The following SLC39A8 variants were observed in gnomAD, a reference collection of about 807,000 sequenced individuals.
SLC39A8 encodes the protein metal cation symporter ZIP8.
SLC39A8 carries 15 observed loss-of-function variants against 40.4 expected under a neutral mutation model. The observed-to-expected ratio is 0.37, with a 90% confidence interval of 0.25 to 0.57. The LOEUF (loss-of-function observed/expected upper bound fraction) is 0.57, where lower values mean the gene tolerates loss of function less well. Ranked by LOEUF, SLC39A8 falls within the 20% of genes least tolerant of loss-of-function variation. SLC39A8 has a pLI of 0.75. For missense variants in SLC39A8, 472 were observed against 558.8 expected (o/e 0.84, Z 1.57); for synonymous variants, 223 against 221.6 (o/e 1.01, Z -0.06).
chr4:102,305,148 G>T (rs374612302), intron 4 of SLC39A8, 37 bp from the exon 5 acceptor site: 12 of 1,589,044 alleles, frequency 7.6e-6, no homozygotes, highest in African/African-American at 1.4e-5. Flanking sequence ...GTAAAACCAA[G>T]AAATTTAACT....
intron 6 of SLC39A8, among the ~76,000 whole-genome samples, chr4:102,280,860 G>T (rs1436282851): frequency 6.6e-6 from 1 of 152,138 alleles, no homozygotes; most frequent in Non-Finnish European, 1.5e-5. Flanking sequence ...AGTTGTTTTG[G>T]TCTTTAGTAG....
At chr4:102,345,024 G>T (rs1238347970) in intron 1 of SLC39A8, 109 bp from the exon 2 acceptor site, 2 of 575,738 alleles carry the variant, frequency 3.5e-6, no homozygotes, top group East Asian at 7.3e-5. Flanking sequence ...GGCCGGGCAT[G>T]GGGCCAGACG....
downstream of SLC39A8, among the ~76,000 whole-genome samples, chr4:102,256,768 T>C (rs1207668550): frequency 2.0e-5 from 3 of 152,218 alleles, no homozygotes; most frequent in Non-Finnish European, 2.9e-5. Flanking sequence ...AGACGTTTAC[T>C]GCTGATAATC....
intron 6 of SLC39A8, among the ~76,000 whole-genome samples, chr4:102,283,031 G>A (rs928031386): frequency 6.6e-5 from 10 of 152,130 alleles, no homozygotes; most frequent in Non-Finnish European, 7.4e-5. Context: ...CAGCCCTCAA[G>A]GCAGAAGACT....
chr4:102,322,720 G>A (rs189586094), intron 2 of SLC39A8, among the ~76,000 whole-genome samples: 13 of 152,090 alleles, frequency 8.5e-5, no homozygotes, highest in Non-Finnish European at 1.9e-4. Flanking sequence ...ATTTTGTTTT[G>A]CAATAGATTG....
Position 102,262,814 on chromosome 4 carries a change from A to C in SLC39A8, c.*230T>G, listed in dbSNP as rs1731923265. ...GAATACTGAAAAATAGGTATTTCCC[A>C]AAGGCTCCTATATACCAGGCATCTC... On this transcript the variant is annotated 3_prime_UTR_variant, in exon 9 of 9. Coordinates refer to ENST00000356736, the MANE Select transcript of SLC39A8 (RefSeq NM_001135146.2). 15 of 1,274,086 alleles carry C rather than the reference A, an allele frequency of 1.2e-5. No homozygotes were observed. Among genetic ancestry groups the C allele is most frequent in the Non-Finnish European group, 1.4e-5 (14 of 1,009,722 alleles). The allele number at this position is 1,274,086 out of a possible 1,614,324, so 78.9% of individuals were successfully genotyped here.
chr4:102,344,707 C>T lies in SLC39A8; in HGVS notation c.-45G>A, dbSNP rs1460441325. 1.7e-5 allele frequency: 24 copies of T among 1,386,542 alleles called. No individual in the cohort carries two copies. Among genetic ancestry groups the T allele is most frequent in the Non-Finnish European group, 2.2e-5 (24 of 1,078,310 alleles). 85.9% of individuals were successfully genotyped at this position (1,386,542 alleles called of 1,614,324 possible). On this transcript the variant is annotated 5_prime_UTR_variant, in exon 2 of 9. Transcript: ENST00000356736. ...TGAGGGCCCGCGACGGGCTGCCGCG[C>T]AGAGGGACGCGCGCGGGCGCACTGG... is the stretch of plus-strand genomic sequence containing the variant.
At chr4:102,303,899 T>C (rs1022135391) in intron 6 of SLC39A8, among the ~76,000 whole-genome samples, 4 of 151,876 alleles carry the variant, frequency 2.6e-5, no homozygotes, top group Non-Finnish European at 5.9e-5. Flanking sequence ...AAATTATAAG[T>C]CAGACAATTA....
At chr4:102,300,730 A>T (rs1419897959) in intron 6 of SLC39A8, among the ~76,000 whole-genome samples, 1 of 151,946 alleles carries the variant, frequency 6.6e-6, no homozygotes, top group Non-Finnish European at 1.5e-5. Context: ...ACCCTGAGTT[A>T]TATTATCATG....
intron 4 of SLC39A8, among the ~76,000 whole-genome samples, chr4:102,306,025 T>C (rs1734156836): frequency 6.6e-6 from 1 of 152,144 alleles, no homozygotes; most frequent in East Asian, 1.9e-4. Context: ...GCAAAATGGC[T>C]ATATAAATAT....
intron 6 of SLC39A8, among the ~76,000 whole-genome samples, chr4:102,287,683 AT>A: frequency 6.6e-6 from 1 of 152,282 alleles, no homozygotes; most frequent in South Asian, 2.1e-4. Context: ...ATGCTCAAAA[AT>A]TTCTAGTCAA....
chr4:102,317,763 T>C (rs141225828), intron 2 of SLC39A8, among the ~76,000 whole-genome samples: 15 of 152,192 alleles, frequency 9.9e-5, no homozygotes, highest in African/African-American at 3.6e-4. Context: ...AACTGTAAAA[T>C]AGGAGGAAAA....
chr4:102,260,114 ATAGT>A (rs770630628), downstream of SLC39A8, among the ~76,000 whole-genome samples: 49 of 152,338 alleles, frequency 3.2e-4, no homozygotes, highest in Middle Eastern at 3.4e-3. Context: ...TATAATTAAA[ATAGT>A]TAAAGTGACA....
chr4:102,296,410 C>G (rs957924405), intron 6 of SLC39A8, among the ~76,000 whole-genome samples: 1 of 151,872 alleles, frequency 6.6e-6, no homozygotes, highest in African/African-American at 2.4e-5. Context: ...TGAAGTGATG[C>G]GACTTGATGA....
In SLC39A8 at chr4:102,315,769, C is replaced by T; in HGVS notation, c.281G>A (p.Ser94Asn). 1 of 1,612,946 alleles carries T rather than the reference C, an allele frequency of 6.2e-7. No homozygotes were observed. The change falls in exon 3 of 9, where the codon AGC (serine) becomes AAC (asparagine). Residue 94 changes from serine (S) to asparagine (N), a missense_variant. Physicochemically the swap from Ser to Asn is conservative, Grantham distance 46. Around this residue, in one of 4 missense-constraint regions of SLC39A8, gnomAD observed 175 missense variants for 160.5 expected, o/e 1.09. Transcript: ENST00000356736. The part of the protein sequence containing the change: ...HGFSNATQIT[S>N]SKFSVICPAV... ...TGGACAGATGACAGAGAATTTGGAG[C>T]TGGTTATTTGGGTAGCATTTGAAAA... is the stretch of plus-strand genomic sequence containing the variant.
intron 6 of SLC39A8, among the ~76,000 whole-genome samples, chr4:102,283,783 C>T (rs750161558): frequency 2.0e-5 from 3 of 152,176 alleles, no homozygotes; most frequent in Non-Finnish European, 2.9e-5. Flanking sequence ...GGAATGCTTA[C>T]TTTGAAGAAG....
intron 6 of SLC39A8, among the ~76,000 whole-genome samples, chr4:102,279,454 C>T (rs984310282): frequency 6.6e-6 from 1 of 152,304 alleles, no homozygotes; most frequent in South Asian, 2.1e-4. Flanking sequence ...CCTCTTAGTA[C>T]TCCCTTCCCG....
intron 3 of SLC39A8, among the ~76,000 whole-genome samples, chr4:102,310,618 A>T (rs887795088): frequency 1.3e-5 from 2 of 152,234 alleles, no homozygotes; most frequent in African/African-American, 2.4e-5. Flanking sequence ...AATTCATCAC[A>T]TTCTAAGCAC....
At chr4:102,326,580 T>G (rs1174692537) in intron 2 of SLC39A8, among the ~76,000 whole-genome samples, 1 of 152,008 alleles carries the variant, frequency 6.6e-6, no homozygotes, top group East Asian at 1.9e-4. Flanking sequence ...AAAAATAAAA[T>G]TAGCATGGAA....
Sources: gnomAD v4.1 joint callset for allele counts (sites outside exome capture counted in the v4.1 genomes callset) on GRCh38, gnomAD v4.1.1 for gene constraint, gnomAD v4.1.1 regional missense constraint, MANE v1.5 for transcripts, NCBI Gene and HGNC (gene_info 2026-07-23, HGNC 2026-07-21) for gene names.